The following PRKCE variants were observed in gnomAD, a reference collection of about 807,000 sequenced individuals.
PRKCE encodes protein kinase C epsilon, also known as protein kinase C epsilon type.
Under a neutral mutation model 85.4 loss-of-function variants are expected in PRKCE, and 16 were observed. The observed-to-expected ratio is 0.19, with a 90% CI of 0.13 to 0.28. PRKCE has a LOEUF of 0.28. Among genes scored for constraint, PRKCE ranks in the 10% least tolerant of loss-of-function variants. PRKCE has a pLI of 1.00. For missense variants in PRKCE, 573 were observed against 975.2 expected (o/e 0.59, Z 5.49); for synonymous variants, 388 against 371.5 (o/e 1.04, Z -0.51).
chr2:46,115,121 C>A (rs866169407), intron 11 of PRKCE, among the ~76,000 whole-genome samples: 2 of 152,154 alleles, frequency 1.3e-5, no homozygotes, highest in Non-Finnish European at 2.9e-5. Flanking sequence ...GTAGCGCAAC[C>A]GTCAGTTCTA....
In PRKCE at chr2:45,774,456, A is replaced by C. The variant is rs1685591769; in HGVS notation, c.349-68544A>C. On this transcript the variant is annotated intron_variant, in intron 1 of 14. Transcript: ENST00000306156. This position sits in a 1 kb window ranked among gnomAD's most constrained non-coding sequence, Gnocchi z 4.3. ...AGCATCAGCACGGCTTTAGAGACCG[A>C]GTGCCCGCTTTTTCTCTCTTTTTGA... is the stretch of plus-strand genomic sequence containing the variant. Among the ~76,000 whole-genome samples, 2 of 152,164 alleles carry C rather than the reference A, an allele frequency of 1.3e-5. No individual in the cohort carries two copies. The highest frequency in any genetic ancestry group is 4.8e-5 in the African/African-American group (2 of 41,452).
chr2:45,785,262 G>A (rs1227751224), intron 1 of PRKCE, among the ~76,000 whole-genome samples: 2 of 152,210 alleles, frequency 1.3e-5, no homozygotes, highest in East Asian at 1.9e-4. Context: ...AGGCTGAGGC[G>A]GGCAGATCAC....
At chr2:45,709,133 G>A (rs1413711389) in intron 1 of PRKCE, among the ~76,000 whole-genome samples, 6 of 152,260 alleles carry the variant, frequency 3.9e-5, no homozygotes, top group Non-Finnish European at 7.3e-5. Flanking sequence ...GCCTCTGGGT[G>A]TGAAAGAGTA....
chr2:45,721,818 A>G lies in PRKCE; in HGVS notation c.348+69370A>G, dbSNP rs563448627. ...TTTAAGCCTAGAAGTTCAAAGCTGC[A>G]GTGAGCTATGATCATGCCACTGTGC... is the stretch of plus-strand genomic sequence containing the variant. On this transcript the variant is annotated intron_variant, in intron 1 of 14. Transcript: ENST00000306156. Among the ~76,000 whole-genome samples the G allele has an allele frequency of 2.6e-5, 4 of 152,046 alleles. No homozygotes were observed. In the East Asian group the frequency reaches 7.7e-4, roughly 29 times the overall value.
intron 2 of PRKCE, among the ~76,000 whole-genome samples, chr2:45,878,580 C>A (rs1573718145): frequency 2.0e-5 from 3 of 152,290 alleles, no homozygotes; most frequent in Admixed American, 2.0e-4. Flanking sequence ...TAGATCTTCA[C>A]TACTATCTTG....
chr2:46,031,266 C>G (rs1189751743), intron 10 of PRKCE, among the ~76,000 whole-genome samples: 1 of 152,152 alleles, frequency 6.6e-6, no homozygotes, highest in Non-Finnish European at 1.5e-5. Context: ...TTTGTTGGCT[C>G]TCAGCCTGCT....
At chr2:45,868,517 T>A (rs1026174318) in intron 2 of PRKCE, among the ~76,000 whole-genome samples, 10 of 149,696 alleles carry the variant, frequency 6.7e-5, no homozygotes, top group Admixed American at 6.7e-5. Context: ...AGAGACGGAG[T>A]TTCCCCATGT....
chr2:45,910,887 C>T (rs908063850), intron 2 of PRKCE, among the ~76,000 whole-genome samples: 1 of 152,176 alleles, frequency 6.6e-6, no homozygotes, highest in African/African-American at 2.4e-5. Flanking sequence ...AACCGTACAA[C>T]TTGAAGGCCT....
At chr2:45,890,670 C>G (rs1017138743) in intron 2 of PRKCE, among the ~76,000 whole-genome samples, 1 of 152,192 alleles carries the variant, frequency 6.6e-6, no homozygotes, top group Non-Finnish European at 1.5e-5. Flanking sequence ...TGTGAGCCAC[C>G]ACACCTGGTC....
chr2:45,945,941 T>C (rs1700215907), intron 2 of PRKCE, among the ~76,000 whole-genome samples: 1 of 152,250 alleles, frequency 6.6e-6, no homozygotes, highest in Non-Finnish European at 1.5e-5. Flanking sequence ...TGTGAAGCCA[T>C]GGTTGAATGG....
At chr2:46,047,928 C>T (rs1191367204) in intron 10 of PRKCE, among the ~76,000 whole-genome samples, 1 of 152,186 alleles carries the variant, frequency 6.6e-6, no homozygotes, top group Non-Finnish European at 1.5e-5. Context: ...ATGCAATTCT[C>T]CCTTGGCTTT....
chr2:45,744,279 G>C (rs17343654), intron 1 of PRKCE, among the ~76,000 whole-genome samples: 96,485 of 151,920 alleles, frequency 0.64, 30,757 homozygotes, highest in South Asian at 0.72. Context: ...CTATCAAGTA[G>C]AGTGTGTGTA....
chr2:45,692,317 C>A (rs780538965), intron 1 of PRKCE, among the ~76,000 whole-genome samples: 3 of 152,086 alleles, frequency 2.0e-5, no homozygotes, highest in Non-Finnish European at 4.4e-5. Context: ...TGAAACATGT[C>A]GGGGAGTTTT....
chr2:45,964,559 G>C (rs1449164799), intron 2 of PRKCE, among the ~76,000 whole-genome samples: 3 of 152,252 alleles, frequency 2.0e-5, no homozygotes, highest in African/African-American at 7.2e-5. Context: ...GGTACCAGAA[G>C]CATGCAGTAA....
rs1028980042 is a variant in PRKCE at position 45,696,678 on chromosome 2, A to G, written c.348+44230A>G. 3.9e-5 allele frequency among the ~76,000 whole-genome samples: 6 copies of G among 152,370 alleles called. No individual in the cohort carries two copies. In the South Asian group the frequency reaches 1.2e-3, roughly 32 times the overall value. ...AGTCTGTGGCGGTAAGCGGAGGCCC[A>G]GAAACCTGATTCTCAGTTTTCCTAC... On this transcript the variant is annotated intron_variant, in intron 1 of 14. Coordinates refer to ENST00000306156, the MANE Select transcript of PRKCE (RefSeq NM_005400.3).
At chr2:45,716,241 G>A (rs1159988292) in intron 1 of PRKCE, among the ~76,000 whole-genome samples, 7 of 152,242 alleles carry the variant, frequency 4.6e-5, no homozygotes, top group Non-Finnish European at 1.0e-4. Flanking sequence ...CTGGGGCCAG[G>A]TGCAGTGGCC....
intron 1 of PRKCE, among the ~76,000 whole-genome samples, chr2:45,741,859 A>G (rs1383006779): frequency 6.6e-6 from 1 of 152,226 alleles, no homozygotes; most frequent in Non-Finnish European, 1.5e-5. Flanking sequence ...GAGAGCTACC[A>G]GAAGGCCATG....
At chr2:45,687,951 T>G (rs1461918089) in intron 1 of PRKCE, among the ~76,000 whole-genome samples, 1 of 152,180 alleles carries the variant, frequency 6.6e-6, no homozygotes, top group Non-Finnish European at 1.5e-5. Flanking sequence ...CTTTATTGTA[T>G]GGGGTCCTCA....
chr2:45,932,166 T>C (rs994097493), intron 2 of PRKCE, among the ~76,000 whole-genome samples: 8 of 152,236 alleles, frequency 5.3e-5, no homozygotes, highest in Admixed American at 6.5e-5. Flanking sequence ...GGTTTTGAAC[T>C]CTACATGGAT....
Sources: allele counts gnomAD v4.1 joint callset (sites outside exome capture counted in the v4.1 genomes callset), GRCh38; gene constraint gnomAD v4.1.1; non-coding constraint Gnocchi (gnomAD v3.1); transcripts MANE v1.5; gene names NCBI Gene and HGNC (gene_info 2026-07-23, HGNC 2026-07-21).